Variants in TBC1D22A observed in about 807,000 individuals in gnomAD.
The protein encoded by TBC1D22A is putative GTPase activator.
TBC1D22A carries 38 observed loss-of-function variants against 60.2 expected under a neutral mutation model. The ratio of observed to expected loss-of-function variants is 0.63; its 90% CI spans 0.49 to 0.83. TBC1D22A has a LOEUF of 0.83. Among genes scored for constraint, TBC1D22A ranks in the 40% least tolerant of loss-of-function variants. TBC1D22A has a pLI of 0.00. For missense variants in TBC1D22A, 628 were observed against 701.0 expected (o/e 0.90, Z 1.18); for synonymous variants, 302 against 281.7 (o/e 1.07, Z -0.72).
intron 12 of TBC1D22A, among the ~76,000 whole-genome samples, chr22:47,123,713 C>T (rs1221651990): frequency 4.6e-5 from 7 of 152,354 alleles, no homozygotes; most frequent in East Asian, 3.9e-4. Flanking sequence ...AAGTAGAGAT[C>T]GTTGTCTCCG....
intron 12 of TBC1D22A, among the ~76,000 whole-genome samples, chr22:47,140,882 G>T (rs1478480319): frequency 6.6e-6 from 1 of 152,224 alleles, no homozygotes; most frequent in Non-Finnish European, 1.5e-5. Flanking sequence ...ACACAGCCTT[G>T]GGCAGGTGCT....
At chr22:46,941,551 C>T (rs1602580782) in intron 8 of TBC1D22A, among the ~76,000 whole-genome samples, 3 of 135,596 alleles carry the variant, frequency 2.2e-5, no homozygotes, top group South Asian at 2.3e-4. Flanking sequence ...AATATATATA[C>T]AGGGAATATA....
At chr22:46,904,678 G>T (rs1020148702) in intron 7 of TBC1D22A, among the ~76,000 whole-genome samples, 9 of 151,518 alleles carry the variant, frequency 5.9e-5, no homozygotes, top group African/African-American at 2.2e-4. Context: ...ATGTTGGTCA[G>T]GCTGGTCTTG....
chr22:47,084,230 C>G (rs1255304498), intron 11 of TBC1D22A, among the ~76,000 whole-genome samples: 2 of 152,252 alleles, frequency 1.3e-5, no homozygotes, highest in Non-Finnish European at 2.9e-5. Context: ...TGAGGTACTG[C>G]AGACCCATCT....
chr22:46,957,285 A>G (rs1266151507), intron 8 of TBC1D22A, among the ~76,000 whole-genome samples: 1 of 152,238 alleles, frequency 6.6e-6, no homozygotes, highest in Non-Finnish European at 1.5e-5. Flanking sequence ...TCTGTAAAGA[A>G]TACTACCTGA....
At chr22:46,984,457 T>A (rs1237284842) in intron 9 of TBC1D22A, among the ~76,000 whole-genome samples, 4 of 149,958 alleles carry the variant, frequency 2.7e-5, no homozygotes, top group Admixed American at 1.3e-4. Context: ...GGGATTATTC[T>A]TGCACTTTTG....
At chr22:46,807,009 A>C (rs971886088) in intron 4 of TBC1D22A, among the ~76,000 whole-genome samples, 1 of 152,226 alleles carries the variant, frequency 6.6e-6, no homozygotes, top group Non-Finnish European at 1.5e-5. Context: ...GTATTATGGG[A>C]TATTTTATAA....
intron 10 of TBC1D22A, among the ~76,000 whole-genome samples, chr22:46,999,678 G>T (rs1365911318): frequency 6.6e-6 from 1 of 151,916 alleles, no homozygotes; most frequent in East Asian, 1.9e-4. Context: ...GGATTGTAAA[G>T]ATTTTATTAA....
intron 4 of TBC1D22A, among the ~76,000 whole-genome samples, chr22:46,821,536 G>T (rs1013596742): frequency 2.0e-5 from 3 of 152,076 alleles, no homozygotes; most frequent in Non-Finnish European, 2.9e-5. Context: ...GTGAAATTTT[G>T]GGTTGAAAAT....
At chr22:46,985,318 A>T (rs2074682618) in intron 9 of TBC1D22A, among the ~76,000 whole-genome samples, 1 of 152,150 alleles carries the variant, frequency 6.6e-6, no homozygotes, top group African/African-American at 2.4e-5. Flanking sequence ...TGTCAAATCC[A>T]CACCTGCCCC....
chr22:46,940,634 A>G (rs1020512841), intron 8 of TBC1D22A, among the ~76,000 whole-genome samples: 2 of 150,642 alleles, frequency 1.3e-5, no homozygotes, highest in South Asian at 2.1e-4. Context: ...GCACACATAT[A>G]TATGTATATA....
intron 8 of TBC1D22A, among the ~76,000 whole-genome samples, chr22:46,967,396 T>C (rs2073854144): frequency 6.6e-6 from 1 of 152,232 alleles, no homozygotes. Context: ...ACTCCCAAGT[T>C]GGGAAATGCA....
At chr22:47,038,105 TG>T (rs1445791070) in intron 11 of TBC1D22A, among the ~76,000 whole-genome samples, 1 of 152,124 alleles carries the variant, frequency 6.6e-6, no homozygotes, top group African/African-American at 2.4e-5. Flanking sequence ...GGCGGTGCTG[TG>T]GGGGGTTTAC....
intron 12 of TBC1D22A, among the ~76,000 whole-genome samples, chr22:47,117,879 T>A (rs1569457131): frequency 6.6e-6 from 1 of 152,108 alleles, no homozygotes; most frequent in Non-Finnish European, 1.5e-5. Context: ...TCCCAGCACT[T>A]TGGGAGGCAG....
chr22:46,962,691 A>G (rs1396466116), intron 8 of TBC1D22A, among the ~76,000 whole-genome samples: 1 of 152,236 alleles, frequency 6.6e-6, no homozygotes, highest in African/African-American at 2.4e-5. Context: ...GGCTTCAAAG[A>G]GCATGTTATA....
chr22:47,051,193 C>T lies in TBC1D22A; in HGVS notation c.1329+13995C>T, dbSNP rs574373603. Among the ~76,000 whole-genome samples, 202 of 152,248 alleles carry T rather than the reference C, an allele frequency of 1.3e-3. 2 individuals are homozygous for T. Among genetic ancestry groups the T allele is most frequent in the Non-Finnish European group, 2.0e-3 (135 of 68,000 alleles). ...AGTGGGAGCAGGGAGGAGTTCCCAC[C>T]TCAGCTTCAGCAGAACATTCCAGTA... On this transcript the variant is annotated intron_variant, in intron 11 of 12. Transcript: ENST00000337137.
chr22:47,092,490 G>A (rs887868983), intron 11 of TBC1D22A, among the ~76,000 whole-genome samples: 4 of 152,150 alleles, frequency 2.6e-5, no homozygotes, highest in Non-Finnish European at 4.4e-5. Flanking sequence ...GAGTGGAGGG[G>A]CTTGGTGGGC....
At chr22:46,863,707 C>G (rs891315738) in intron 4 of TBC1D22A, among the ~76,000 whole-genome samples, 1 of 152,182 alleles carries the variant, frequency 6.6e-6, no homozygotes, top group Non-Finnish European at 1.5e-5. Flanking sequence ...AAAACAAAAG[C>G]ATTTCCGTCA....
intron 11 of TBC1D22A, among the ~76,000 whole-genome samples, chr22:47,057,620 G>A (rs752554945): frequency 3.3e-5 from 5 of 152,222 alleles, no homozygotes; most frequent in African/African-American, 9.6e-5. Context: ...CATGGAAGAC[G>A]AAGGAGGAGC....
Sources: gnomAD v4.1 joint callset for allele counts (sites outside exome capture counted in the v4.1 genomes callset) on GRCh38, gnomAD v4.1.1 for gene constraint, MANE v1.5 for transcripts, NCBI Gene and HGNC (gene_info 2026-07-23, HGNC 2026-07-21) for gene names.